The following ACER2 variants were observed in gnomAD, a reference collection of about 807,000 sequenced individuals.
ACER2 encodes the protein alkaline ceramidase 2, also known as alkCDase 2.
A neutral mutation model predicts 34.7 loss-of-function variants in ACER2; 26 were observed. The observed-to-expected ratio is 0.75, with a 90% CI of 0.55 to 1.04. The LOEUF (loss-of-function observed/expected upper bound fraction) is 1.04. Among genes scored for constraint, ACER2 ranks in the 50% least tolerant of loss-of-function variants. The probability of loss-of-function intolerance (pLI) is 0.00; values close to 1 mark genes in which losing one functional copy is unlikely to be tolerated. For synonymous variants in ACER2, 138 were observed against 132.1 expected (o/e 1.04, Z -0.31); for missense variants, 352 against 340.8 (o/e 1.03, Z -0.26).
intron 3 of ACER2, among the ~76,000 whole-genome samples, chr9:19,432,173 T>A (rs1830776389): frequency 6.6e-6 from 1 of 152,248 alleles, no homozygotes; most frequent in Admixed American, 6.5e-5. Flanking sequence ...TGTCTAAGAC[T>A]TGTCATTTCA....
intron 1 of ACER2, among the ~76,000 whole-genome samples, chr9:19,416,166 A>T (rs1047237224): frequency 6.7e-6 from 1 of 150,330 alleles, no homozygotes; most frequent in East Asian, 1.9e-4. Context: ...CTCTTTCTTC[A>T]CTCCCTTGAT....
intron 1 of ACER2, among the ~76,000 whole-genome samples, chr9:19,422,629 C>T (rs1830439651): frequency 6.6e-6 from 1 of 151,498 alleles, no homozygotes. Context: ...AAAAGGCTGG[C>T]TTGGCTGGGG....
intron 5 of ACER2, among the ~76,000 whole-genome samples, chr9:19,446,872 T>G (rs1430202910): frequency 6.6e-6 from 1 of 152,060 alleles, no homozygotes; most frequent in African/African-American, 2.4e-5. Context: ...TTAGAGACAT[T>G]CTCTTCCATT....
intron 4 of ACER2, 103 bp downstream of exon 4, chr9:19,435,187 T>G (rs1040263382): frequency 4.3e-6 from 6 of 1,389,058 alleles, no homozygotes; most frequent in Non-Finnish European, 5.8e-6. Flanking sequence ...GTTTTATTCC[T>G]TGTGAAGAGT....
intron 3 of ACER2, among the ~76,000 whole-genome samples, chr9:19,429,110 T>C (rs1468110742): frequency 2.0e-5 from 3 of 151,906 alleles, no homozygotes; most frequent in African/African-American, 7.3e-5. Flanking sequence ...TGATATGTAA[T>C]AGTTGTACAT....
chr9:19,423,745 A>T, intron 1 of ACER2, 117 bp from the exon 2 acceptor site: 1 of 758,638 alleles, frequency 1.3e-6, no homozygotes, highest in Non-Finnish European at 2.3e-6. Flanking sequence ...AAGAGCTTAA[A>T]CGAGATGTGT....
At chr9:19,434,181 C>G (rs535463693) in intron 3 of ACER2, among the ~76,000 whole-genome samples, 2 of 150,744 alleles carry the variant, frequency 1.3e-5, no homozygotes, top group African/African-American at 4.9e-5. Context: ...GATGGGCGGC[C>G]GGGCAGAGAC....
At chr9:19,429,790 T>G (rs1231362991) in intron 3 of ACER2, among the ~76,000 whole-genome samples, 1 of 152,208 alleles carries the variant, frequency 6.6e-6, no homozygotes, top group Non-Finnish European at 1.5e-5. Flanking sequence ...GCTGGAATCT[T>G]AAACTCTCTG....
chr9:19,431,708 A>G (rs1222360384), intron 3 of ACER2, among the ~76,000 whole-genome samples: 1 of 152,124 alleles, frequency 6.6e-6, no homozygotes, highest in East Asian at 1.9e-4. Flanking sequence ...CCTTTCCCAC[A>G]TATATTTTTT....
At chr9:19,439,977 C>T (rs958702469) in intron 4 of ACER2, among the ~76,000 whole-genome samples, 8 of 151,996 alleles carry the variant, frequency 5.3e-5, no homozygotes, top group East Asian at 1.9e-4. Flanking sequence ...TCCATCCCCC[C>T]GCCCCCAAAG....
intron 1 of ACER2, 150 bp from the exon 2 acceptor site, chr9:19,423,712 G>A (rs1454836423): frequency 3.2e-6 from 2 of 618,522 alleles, no homozygotes; most frequent in East Asian, 2.9e-5. Flanking sequence ...CCATCTCAAA[G>A]AGAAAAGAAA....
At chr9:19,449,419 T>G (rs12005942) in intron 5 of ACER2, among the ~76,000 whole-genome samples, 10,115 of 152,298 alleles carry the variant, frequency 0.066, 1,136 homozygotes, top group African/African-American at 0.23. Context: ...GGTACAAATA[T>G]TCCCTGCCCC....
chr9:19,429,533 T>C (rs1326273396), intron 3 of ACER2, among the ~76,000 whole-genome samples: 2 of 151,990 alleles, frequency 1.3e-5, no homozygotes, highest in Non-Finnish European at 2.9e-5. Context: ...GGTTTTACCA[T>C]GTTGCCCAGG....
chr9:19,422,400 A>G (rs1357730440), intron 1 of ACER2, among the ~76,000 whole-genome samples: 1 of 152,184 alleles, frequency 6.6e-6, no homozygotes, highest in African/African-American at 2.4e-5. Context: ...AAGATAGATT[A>G]TTAAAATTTT....
At chr9:19,425,899 G>T (rs1246723257) in intron 3 of ACER2, among the ~76,000 whole-genome samples, 2 of 152,184 alleles carry the variant, frequency 1.3e-5, no homozygotes, top group South Asian at 2.1e-4. Flanking sequence ...ACCAGGAAAA[G>T]AAAATAATTC....
intron 3 of ACER2, 42 bp downstream of exon 3, chr9:19,424,883 A>G (rs1406789701): frequency 2.5e-6 from 4 of 1,611,292 alleles, no homozygotes; most frequent in Admixed American, 1.7e-5. Flanking sequence ...CACTAGGTGC[A>G]GTACCCAATA....
intron 3 of ACER2, among the ~76,000 whole-genome samples, chr9:19,425,133 G>A (rs1222538148): frequency 6.6e-6 from 1 of 152,212 alleles, no homozygotes; most frequent in African/African-American, 2.4e-5. Context: ...TTCAGTGGGG[G>A]TGACATTACT....
At chr9:19,430,532 T>TGG (rs971302030) in intron 3 of ACER2, among the ~76,000 whole-genome samples, 20 of 152,344 alleles carry the variant, frequency 1.3e-4, no homozygotes, top group African/African-American at 4.3e-4. Flanking sequence ...ACTGGTTTTC[T>TGG]GCTGGCCACA....
At chr9:19,428,508 A>C (rs1275161117) in intron 3 of ACER2, among the ~76,000 whole-genome samples, 1 of 151,766 alleles carries the variant, frequency 6.6e-6, no homozygotes, top group Non-Finnish European at 1.5e-5. Context: ...AACAGTTTTA[A>C]TGTGAGATTT....
Sources: gnomAD v4.1 joint callset for allele counts (sites outside exome capture counted in the v4.1 genomes callset) on GRCh38, gnomAD v4.1.1 for gene constraint, MANE v1.5 for transcripts, NCBI Gene and HGNC (gene_info 2026-07-23, HGNC 2026-07-21) for gene names.